The following DPYSL2 variants were observed in gnomAD, a reference collection of about 807,000 sequenced individuals.
DPYSL2 encodes dihydropyrimidinase like 2.
DPYSL2 carries 13 observed loss-of-function variants against 69.9 expected under a neutral mutation model. The observed-to-expected ratio is 0.19, with a 90% CI of 0.12 to 0.30. DPYSL2 has a LOEUF of 0.30. DPYSL2 is among the 10% of genes least tolerant of loss of function. DPYSL2 has a pLI of 1.00. For synonymous variants in DPYSL2, 326 were observed against 359.1 expected (o/e 0.91, Z 1.04); for missense variants, 587 against 918.9 (o/e 0.64, Z 4.67).
At chr8:26,559,644 A>G (rs1035919008) in intron 1 of DPYSL2, among the ~76,000 whole-genome samples, 2 of 152,176 alleles carry the variant, frequency 1.3e-5, no homozygotes, top group East Asian at 1.9e-4. Context: ...TGGAATGTTC[A>G]TCTTTATGAT....
In DPYSL2 at chr8:26,593,890, A is replaced by T. The variant is rs1801798927; in HGVS notation, c.628+9907A>T. On this transcript the variant is annotated intron_variant, in intron 3 of 13. Coordinates refer to ENST00000521913, the MANE Select transcript of DPYSL2 (RefSeq NM_001197293.3). This position sits in a 1 kb window ranked among gnomAD's most constrained non-coding sequence, Gnocchi z 5.7. ...CTCTCTAATGATAGGTCAGGACTGG[A>T]ATCTTTCCTTGTGGGGAGCCTGTGA... 6.6e-6 allele frequency among the ~76,000 whole-genome samples: 1 copy of T among 152,106 alleles called. No homozygotes were observed. Among genetic ancestry groups the T allele is most frequent in the South Asian group, 2.1e-4 (1 of 4,826 alleles).
At position 26,626,765 on chromosome 8, in the gene DPYSL2, G is replaced by T; in HGVS notation, c.855+87G>T. 7.3e-7 allele frequency: 1 copy of T among 1,364,666 alleles called. No homozygotes were observed. The highest frequency in any genetic ancestry group is 1.0e-6 in the Non-Finnish European group (1 of 968,034). 84.5% of individuals were successfully genotyped at this position (1,364,666 alleles called of 1,614,324 possible). A position where few individuals can be genotyped will look rare whatever the true frequency, so the allele number is the denominator to read the frequency against. On this transcript the variant is annotated intron_variant, in intron 5 of 13. Transcript: ENST00000521913. The surrounding 1 kb of genome is among the most constrained non-coding windows in gnomAD (Gnocchi z 4.3). ...TTTGGGAAAGCAGTCTCCGATGTAT[G>T]CATGTTTCCTAGCTTCCTGGGAAGT...
chr8:26,598,801 G>A lies in DPYSL2; in HGVS notation c.628+14818G>A, dbSNP rs1801924564. On this transcript the variant is annotated intron_variant, in intron 3 of 13. Coordinates refer to ENST00000521913, the MANE Select transcript of DPYSL2 (RefSeq NM_001197293.3). This position sits in a 1 kb window ranked among gnomAD's most constrained non-coding sequence, Gnocchi z 4.2. ...GTTTGAGACTTACACCTTGTTTATTGCAATCTTTCTTTCATTTTGCAGGCG... is the reference window on the plus strand; with the variant it reads ...GTTTGAGACTTACACCTTGTTTATTACAATCTTTCTTTCATTTTGCAGGCG... Among the ~76,000 whole-genome samples, 1 of 151,728 alleles carries A rather than the reference G, an allele frequency of 6.6e-6. No homozygotes were observed. Among genetic ancestry groups the A allele is most frequent in the Admixed American group, 6.6e-5 (1 of 15,200 alleles).
chr8:26,619,717 T>G lies in DPYSL2; in HGVS notation c.629-4426T>G, dbSNP rs1802438294. The G allele has an allele frequency of 6.6e-6, 1 of 152,202 alleles. No individual in the cohort carries two copies. Among genetic ancestry groups the G allele is most frequent in the Non-Finnish European group, 1.5e-5 (1 of 68,086 alleles). 9.4% of individuals were successfully genotyped at this position (152,202 alleles called of 1,614,324 possible). A position where few individuals can be genotyped will look rare whatever the true frequency, so the allele number is the denominator to read the frequency against. Reference sequence around the variant, plus strand: ...CTGGGGTAAGGTCTGGGAACCTGTGTTTTATTTTTATGTTATTTTTTTGAG... The same window carrying G: ...CTGGGGTAAGGTCTGGGAACCTGTGGTTTATTTTTATGTTATTTTTTTGAG... On this transcript the variant is annotated intron_variant, in intron 3 of 13. Coordinates refer to ENST00000521913, the MANE Select transcript of DPYSL2 (RefSeq NM_001197293.3). This position sits in a 1 kb window ranked among gnomAD's most constrained non-coding sequence, Gnocchi z 4.8.
In DPYSL2 at chr8:26,571,761, G is replaced by A. The variant is rs565022994; in HGVS notation, c.355-10208G>A. ...GCCAAAGCAGCGTCTGTTTCGGAGGGCCAGTCACTGCTGACCCTCATTTGT... is the reference window on the plus strand; with the variant it reads ...GCCAAAGCAGCGTCTGTTTCGGAGGACCAGTCACTGCTGACCCTCATTTGT... On this transcript the variant is annotated intron_variant, in intron 1 of 13. Coordinates refer to ENST00000521913, the MANE Select transcript of DPYSL2 (RefSeq NM_001197293.3). The surrounding 1 kb of genome is among the most constrained non-coding windows in gnomAD (Gnocchi z 6.1). Among the ~76,000 whole-genome samples the A allele has an allele frequency of 4.4e-4, 67 of 152,266 alleles. No individual in the cohort carries two copies. The highest frequency in any genetic ancestry group is 1.5e-3 in the African/African-American group (63 of 41,556).
intron 7 of DPYSL2, among the ~76,000 whole-genome samples, chr8:26,630,382 C>G (rs928219214): frequency 2.4e-5 from 1 of 41,750 alleles, no homozygotes; most frequent in African/African-American, 5.1e-5. Context: ...GCTTTGTTCC[C>G]AGGGCTTTGT....
intron 1 of DPYSL2, among the ~76,000 whole-genome samples, chr8:26,575,351 T>C (rs1250676517): frequency 6.6e-6 from 1 of 152,076 alleles, no homozygotes; most frequent in Non-Finnish European, 1.5e-5. Flanking sequence ...CTGTGGTTTT[T>C]TGTTTTTTTT....
rs753941982 is a variant in DPYSL2 at position 26,643,902 on chromosome 8, C to T, written c.1284-48C>T. On this transcript the variant is annotated intron_variant, in intron 9 of 13. Transcript: ENST00000521913. This position sits in a 1 kb window ranked among gnomAD's most constrained non-coding sequence, Gnocchi z 6.5. ...AGCCCACCAAATAGGTGTAGGCGCA[C>T]AGCATCTTGACGAAGCTGCAGCACC... 1 of 1,590,674 alleles carries T rather than the reference C, an allele frequency of 6.3e-7. No individual in the cohort carries two copies. Among genetic ancestry groups the T allele is most frequent in the East Asian group, 2.2e-5 (1 of 44,470 alleles).
chr8:26,626,767 A>G lies in DPYSL2; in HGVS notation c.855+89A>G, dbSNP rs992933958. The stretch of plus-strand genomic sequence containing the variant: ...TGGGAAAGCAGTCTCCGATGTATGC[A>G]TGTTTCCTAGCTTCCTGGGAAGTGG... On this transcript the variant is annotated intron_variant, in intron 5 of 13. Coordinates refer to ENST00000521913, the MANE Select transcript of DPYSL2 (RefSeq NM_001197293.3). This position sits in a 1 kb window ranked among gnomAD's most constrained non-coding sequence, Gnocchi z 4.3. 17 of 1,351,994 alleles carry G rather than the reference A, an allele frequency of 1.3e-5. No homozygotes were observed. Among genetic ancestry groups the G allele is most frequent in the African/African-American group, 1.0e-4 (7 of 68,984 alleles). 83.7% of individuals were successfully genotyped at this position (1,351,994 alleles called of 1,614,324 possible). A position where few individuals can be genotyped will look rare whatever the true frequency, so the allele number is the denominator to read the frequency against.
chr8:26,634,918 A>C lies in DPYSL2; in HGVS notation c.1126+18A>C, dbSNP rs775541793. The C allele has an allele frequency of 4.3e-6, 7 of 1,613,818 alleles. No individual in the cohort carries two copies. Among genetic ancestry groups the C allele is most frequent in the East Asian group, 2.2e-5 (1 of 44,872 alleles). On this transcript the variant is annotated intron_variant, in intron 8 of 13. Transcript: ENST00000521913. ...GAAGAAGGGTGAGTGCTGTGGCCGG[A>C]CTGGCTGATGGCAGGTGGGGAGGTT...
rs1802489635 is a variant in DPYSL2 at position 26,621,916 on chromosome 8, A to C, written c.629-2227A>C. Among the ~76,000 whole-genome samples the C allele has an allele frequency of 6.6e-6, 1 of 152,222 alleles. No individual in the cohort carries two copies. The highest frequency in any genetic ancestry group is 2.1e-4 in the South Asian group (1 of 4,828). ...TGGTAGACAGCTACTAAAGGATTTA[A>C]TAAGGGGAATGGCAGTGTTTGATGA... is the stretch of plus-strand genomic sequence containing the variant. On this transcript the variant is annotated intron_variant, in intron 3 of 13. Coordinates refer to ENST00000521913, the MANE Select transcript of DPYSL2 (RefSeq NM_001197293.3). The surrounding 1 kb of genome is among the most constrained non-coding windows in gnomAD (Gnocchi z 4.9).
At chr8:26,547,067 C>G (rs1004092800) in intron 1 of DPYSL2, among the ~76,000 whole-genome samples, 2 of 150,556 alleles carry the variant, frequency 1.3e-5, no homozygotes, top group Non-Finnish European at 3.0e-5. Flanking sequence ...TACACAGAAT[C>G]AAAGCTTACT....
In DPYSL2 at chr8:26,621,560, C is replaced by T. The variant is rs867644211; in HGVS notation, c.629-2583C>T. Among the ~76,000 whole-genome samples the T allele has an allele frequency of 5.9e-5, 9 of 152,186 alleles. No individual in the cohort carries two copies. Among genetic ancestry groups the T allele is most frequent in the African/African-American group, 1.9e-4 (8 of 41,448 alleles). On this transcript the variant is annotated intron_variant, in intron 3 of 13. Coordinates refer to ENST00000521913, the MANE Select transcript of DPYSL2 (RefSeq NM_001197293.3). This position sits in a 1 kb window ranked among gnomAD's most constrained non-coding sequence, Gnocchi z 4.9. ...CCCTGATCTAGGCGTTCAGTACCTG[C>T]TCAGAGGGAGTTTACATTCTAGTCA...
chr8:26,556,477 T>A (rs1384063078), intron 1 of DPYSL2, among the ~76,000 whole-genome samples: 3 of 131,972 alleles, frequency 2.3e-5, no homozygotes, highest in African/African-American at 8.9e-5. Context: ...AACTATTAAA[T>A]GATTATATCA....
intron 8 of DPYSL2, among the ~76,000 whole-genome samples, chr8:26,636,184 A>G (rs1272528889): frequency 2.0e-5 from 3 of 152,230 alleles, no homozygotes; most frequent in Non-Finnish European, 2.9e-5. Context: ...CATTCACCTA[A>G]AATAATGTAA....
At position 26,605,085 on chromosome 8, in the gene DPYSL2, C is replaced by T. The variant is rs762937203; in HGVS notation, c.629-19058C>T. ...TTGTAAATGTGCGGAAATCAGTCAC[C>T]CAGTCACCTGAACTTCCATTTAACA... On this transcript the variant is annotated intron_variant, in intron 3 of 13. Coordinates refer to ENST00000521913, the MANE Select transcript of DPYSL2 (RefSeq NM_001197293.3). This position sits in a 1 kb window ranked among gnomAD's most constrained non-coding sequence, Gnocchi z 4.1. Among the ~76,000 whole-genome samples the T allele has an allele frequency of 2.0e-5, 3 of 152,034 alleles. No individual in the cohort carries two copies. Among genetic ancestry groups the T allele is most frequent in the Non-Finnish European group, 4.4e-5 (3 of 68,032 alleles).
intron 1 of DPYSL2, among the ~76,000 whole-genome samples, chr8:26,523,898 C>CATTTTGTT (rs1359113962): frequency 2.3e-4 from 35 of 152,284 alleles, no homozygotes; most frequent in African/African-American, 7.9e-4. Flanking sequence ...GTATAGACCA[C>CATTTTGTT]ATTTTGTTTA....
chr8:26,615,457 G>A (rs556851619), intron 3 of DPYSL2, among the ~76,000 whole-genome samples: 3 of 152,146 alleles, frequency 2.0e-5, no homozygotes, highest in Non-Finnish European at 4.4e-5. Flanking sequence ...ACCGACGGGA[G>A]AGCTGGGTAC....
intron 2 of DPYSL2, 146 bp from the exon 3 acceptor site, chr8:26,583,653 A>G (rs1276672095): frequency 4.2e-6 from 3 of 719,620 alleles, no homozygotes; most frequent in Non-Finnish European, 6.6e-6. Flanking sequence ...AGGAGTATAT[A>G]GTGTTTTATT....
Sources: allele counts gnomAD v4.1 joint callset (sites outside exome capture counted in the v4.1 genomes callset), GRCh38; gene constraint gnomAD v4.1.1; non-coding constraint Gnocchi (gnomAD v3.1); transcripts MANE v1.5; gene names NCBI Gene and HGNC (gene_info 2026-07-23, HGNC 2026-07-21).